Variants in NFIA observed in about 807,000 individuals in gnomAD.
NFIA encodes the protein nuclear factor I A.
Under a neutral mutation model 62.8 loss-of-function variants are expected in NFIA, and 8 were observed. That is an observed-to-expected ratio of 0.13 (90% CI 0.07 to 0.23). The LOEUF (loss-of-function observed/expected upper bound fraction) is 0.23, where lower values mean the gene tolerates loss of function less well. Among genes scored for constraint, NFIA ranks in the 10% least tolerant of loss-of-function variants. The pLI is 1.00. For missense variants in NFIA, 410 were observed against 642.1 expected, an observed-to-expected ratio of 0.64 and a Z score of 3.91; for synonymous variants, 235 against 238.1, an observed-to-expected ratio of 0.99 and a Z score of 0.12.
chr1:61,195,397 A>T (rs1463135322), intron 2 of NFIA, among the ~76,000 whole-genome samples: 1 of 152,116 alleles, frequency 6.6e-6, no homozygotes, highest in East Asian at 1.9e-4. Context: ...TCTTTCACCT[A>T]AACCTTAATT....
chr1:61,227,592 A>C (rs1054129145), intron 2 of NFIA, among the ~76,000 whole-genome samples: 6 of 152,154 alleles, frequency 3.9e-5, no homozygotes, highest in African/African-American at 1.4e-4. Context: ...AACCTTGGTG[A>C]ATATTTCAGC....
intron 2 of NFIA, among the ~76,000 whole-genome samples, chr1:61,206,148 T>C (rs1338023283): frequency 2.6e-5 from 4 of 152,114 alleles, no homozygotes; most frequent in African/African-American, 9.7e-5. Context: ...TTTGCAGACA[T>C]TTTTAAGACA....
intron 2 of NFIA, among the ~76,000 whole-genome samples, chr1:61,257,085 T>C (rs537324709): frequency 6.6e-6 from 1 of 152,236 alleles, no homozygotes; most frequent in South Asian, 2.1e-4. Context: ...ATTAGTTTCT[T>C]TTATTTATGT....
chr1:61,448,290 C>T lies in NFIA; in HGVS notation c.1513-7013C>T, dbSNP rs146089522. ...GGTTTCACCGCTCTGATTTTAATAT[C>T]GCAATTAAAGACAGATTTTTATTTT... On this transcript the variant is annotated intron_variant, in intron 10 of 10. Coordinates refer to ENST00000403491, the MANE Select transcript of NFIA (RefSeq NM_001134673.4). Among the ~76,000 whole-genome samples the T allele has an allele frequency of 2.8e-4, 43 of 152,264 alleles. 4 individuals carry two copies. Among genetic ancestry groups the T allele is most frequent in the African/African-American group, 1.0e-3 (42 of 41,534 alleles).
chr1:61,098,105 C>G (rs188965872), intron 2 of NFIA, among the ~76,000 whole-genome samples: 59 of 152,234 alleles, frequency 3.9e-4, no homozygotes, highest in Admixed American at 1.6e-3. Flanking sequence ...CATGTAAACC[C>G]CTGTTGCATA....
intron 2 of NFIA, among the ~76,000 whole-genome samples, chr1:61,131,655 GA>G (rs925822776): frequency 2.0e-4 from 29 of 146,554 alleles, no homozygotes; most frequent in East Asian, 4.0e-4. Context: ...AAAAGAAAAG[GA>G]AAAAAAAAAG....
chr1:61,323,016 G>T (rs1298869742), intron 3 of NFIA, among the ~76,000 whole-genome samples: 1 of 152,160 alleles, frequency 6.6e-6, no homozygotes, highest in Admixed American at 6.5e-5. Flanking sequence ...CACAGATTAG[G>T]TGTCTGTATT....
intron 3 of NFIA, among the ~76,000 whole-genome samples, chr1:61,325,493 A>T (rs1178423809): frequency 6.6e-6 from 1 of 152,234 alleles, no homozygotes; most frequent in East Asian, 1.9e-4. Context: ...TTGGTAAAGG[A>T]ACAAGAGCAG....
chr1:61,197,419 A>C (rs905802957), intron 2 of NFIA, among the ~76,000 whole-genome samples: 3 of 150,670 alleles, frequency 2.0e-5, no homozygotes, highest in African/African-American at 4.9e-5. Context: ...TTCTATTTTT[A>C]GTAGAGATGG....
At chr1:61,351,858 C>T (rs928771432) in intron 4 of NFIA, among the ~76,000 whole-genome samples, 7 of 152,166 alleles carry the variant, frequency 4.6e-5, no homozygotes, top group African/African-American at 1.7e-4. Context: ...AATGAAAGGC[C>T]ATGGCTATGC....
At chr1:61,184,126 A>C (rs1382756390) in intron 2 of NFIA, among the ~76,000 whole-genome samples, 55 of 78,554 alleles carry the variant, frequency 7.0e-4, no homozygotes, top group African/African-American at 2.3e-3. Flanking sequence ...AAAAAAAACC[A>C]AAAAAAAAAA....
intron 7 of NFIA, among the ~76,000 whole-genome samples, chr1:61,401,508 C>T (rs56838509): frequency 0.1 from 15,860 of 152,044 alleles, 2,449 homozygotes; most frequent in African/African-American, 0.33. Context: ...TTTCTTCTAT[C>T]TCATTTCTTT....
At position 61,356,108 on chromosome 1, in the gene NFIA, C is replaced by T. The variant is rs149927184; in HGVS notation, c.819-3039C>T. On this transcript the variant is annotated intron_variant, in intron 5 of 10. Transcript: ENST00000403491. ...TGGGGCTAGATCTAACTGAATTATACTTGGATGAATCCATGTCACATGTAT... is the reference window on the plus strand; with the variant it reads ...TGGGGCTAGATCTAACTGAATTATATTTGGATGAATCCATGTCACATGTAT... Among the ~76,000 whole-genome samples, 651 of 152,314 alleles carry T rather than the reference C, an allele frequency of 4.3e-3. 6 individuals carry two copies. Among genetic ancestry groups the T allele is most frequent in the Middle Eastern group, 0.017 (5 of 294 alleles).
At chr1:61,436,995 C>T (rs1004324429) in intron 10 of NFIA, among the ~76,000 whole-genome samples, 3 of 152,192 alleles carry the variant, frequency 2.0e-5, no homozygotes, top group African/African-American at 7.2e-5. Context: ...CTGTGTTTCT[C>T]ACCCTCAACA....
intron 2 of NFIA, among the ~76,000 whole-genome samples, chr1:61,116,196 G>T (rs1006980161): frequency 2.6e-5 from 4 of 152,124 alleles, no homozygotes; most frequent in Admixed American, 2.0e-4. Flanking sequence ...AGAGTTCTCA[G>T]TTATCAGTAG....
rs369018130 is a variant in NFIA at position 61,284,840 on chromosome 1, A to G, written c.625+7255A>G. Among the ~76,000 whole-genome samples the G allele has an allele frequency of 9.9e-5, 15 of 152,274 alleles. No individual in the cohort carries two copies. In the East Asian group the frequency reaches 2.5e-3, roughly 25 times the overall value. ...ACAAAGAGTTACACAGGAAAGAAGAAAAAAAGGGATTTCTTGCTGGTCCTC... is the reference window on the plus strand; with the variant it reads ...ACAAAGAGTTACACAGGAAAGAAGAGAAAAAGGGATTTCTTGCTGGTCCTC... On this transcript the variant is annotated intron_variant, in intron 3 of 10. Coordinates refer to ENST00000403491, the MANE Select transcript of NFIA (RefSeq NM_001134673.4).
intron 2 of NFIA, among the ~76,000 whole-genome samples, chr1:61,101,783 A>G (rs1281509766): frequency 6.6e-6 from 1 of 152,198 alleles, no homozygotes; most frequent in Non-Finnish European, 1.5e-5. Context: ...CTTTTATTAA[A>G]AGAAAAGAGA....
intron 9 of NFIA, among the ~76,000 whole-genome samples, chr1:61,421,768 A>G (rs1666632241): frequency 6.6e-6 from 1 of 152,202 alleles, no homozygotes; most frequent in African/African-American, 2.4e-5. Context: ...CTCCCCTTTC[A>G]GGTTTACCCT....
At chr1:61,320,294 G>A (rs1050455888) in intron 3 of NFIA, among the ~76,000 whole-genome samples, 3 of 152,084 alleles carry the variant, frequency 2.0e-5, no homozygotes, top group African/African-American at 7.2e-5. Context: ...AAACTTCAAA[G>A]TATTGTGACC....
Sources: allele counts gnomAD v4.1 joint callset (sites outside exome capture counted in the v4.1 genomes callset), GRCh38; gene constraint gnomAD v4.1.1; transcripts MANE v1.5; gene names NCBI Gene and HGNC (gene_info 2026-07-23, HGNC 2026-07-21).